DNASE1: variants seen among roughly 807,000 people sequenced by gnomAD.
DNASE1 encodes the protein deoxyribonuclease-1.
DNASE1 carries 40 observed loss-of-function variants against 33.9 expected under a neutral mutation model. The ratio of observed to expected loss-of-function variants is 1.18; its 90% CI spans 0.92 to 1.54. DNASE1 has a LOEUF of 1.54. Among genes scored for constraint, DNASE1 ranks in the 40% most tolerant of loss-of-function variants. The probability of loss-of-function intolerance (pLI) is 0.00; values close to 1 mark genes in which losing one functional copy is unlikely to be tolerated. For missense variants in DNASE1, 518 were observed against 372.6 expected (o/e 1.39, Z -3.21); for synonymous variants, 216 against 160.0 (o/e 1.35, Z -2.64).
downstream of DNASE1, chr16:3,662,046 C>T: frequency 6.2e-7 from 1 of 1,613,402 alleles, no homozygotes; most frequent in Non-Finnish European, 8.5e-7. Flanking sequence ...GGGTCTTGGC[C>T]AGCTGCTGCA....
In DNASE1 at chr16:3,657,741, G is replaced by A. The variant is rs779566278; in HGVS notation, c.726G>A (p.Leu242=). The change falls in exon 8 of 9, where the codon CTG becomes CTA. Residue 242 remains leucine (L), a synonymous_variant. Transcript: ENST00000246949. ...TCAGGATCGTGGTTGCAGGGATGCT[G>A]CTCCGAGGCGCCGTTGTTCCCGACT... ...AYDRIVVAGM[L]LRGAVVPDSA... 2 of 1,614,018 alleles carry A rather than the reference G, an allele frequency of 1.2e-6. No homozygotes were observed. The highest frequency in any genetic ancestry group is 4.5e-5 in the East Asian group (2 of 44,854).
chr16:3,629,883 G>T lies in DNASE1; in HGVS notation c.-1358-10832G>T, dbSNP rs543035635. Among the ~76,000 whole-genome samples the T allele has an allele frequency of 1.4e-3, 219 of 152,208 alleles. 1 individual carries two copies. The highest frequency in any genetic ancestry group is 5.0e-3 in the African/African-American group (207 of 41,518). Reference sequence around the variant, plus strand: ...GGCTGGAGTGTAGTGGCACAATCTTGGCTCACTGCAACCTCTGCTTCCTGG... The same window carrying T: ...GGCTGGAGTGTAGTGGCACAATCTTTGCTCACTGCAACCTCTGCTTCCTGG... On this transcript the variant is annotated intron_variant and NMD_transcript_variant, in intron 1 of 11. Coordinates refer to the DNASE1 transcript ENST00000570769.
chr16:3,641,607 G>A (rs2042024610), upstream of DNASE1, among the ~76,000 whole-genome samples: 1 of 152,234 alleles, frequency 6.6e-6, no homozygotes, highest in Non-Finnish European at 1.5e-5. Flanking sequence ...ATGTAGTTCA[G>A]CCCCACAGGT....
chr16:3,639,315 T>C (rs142148445), upstream of DNASE1, among the ~76,000 whole-genome samples: 1 of 152,306 alleles, frequency 6.6e-6, no homozygotes, highest in African/African-American at 2.4e-5. Flanking sequence ...GTGGGACATA[T>C]AGGGTGCTCA....
chr16:3,613,908 A>ATTT (rs200976238), intron 1 of DNASE1, among the ~76,000 whole-genome samples: 22 of 113,138 alleles, frequency 1.9e-4, no homozygotes, highest in South Asian at 8.3e-4. Context: ...CGCCTGGCTA[A>ATTT]TTTTTTTTTT....
downstream of DNASE1, chr16:3,658,301 G>C (rs2042842200): frequency 4.0e-6 from 5 of 1,237,738 alleles, no homozygotes; most frequent in South Asian, 2.6e-5. Context: ...TTTTGAGACA[G>C]AGTCTCACTG....
downstream of DNASE1, chr16:3,658,963 T>TAAGA (rs1204352921): frequency 1.7e-6 from 2 of 1,211,784 alleles, no homozygotes; most frequent in Non-Finnish European, 2.4e-6. Flanking sequence ...AGAAGCACAG[T>TAAGA]AAGACTGTCT....
Position 3,657,234 on chromosome 16 carries a change from A to G in DNASE1, c.597A>G (p.Arg199=). ...TCAATGCGGGCTGCAGCTATGTGAG[A>G]CCCTCCCAGTGGTCATCCATCCGCC... ...GDFNAGCSYV[R]PSQWSSIRLW... The change falls in exon 7 of 9, where the codon AGA becomes AGG. Residue 199 remains arginine, a synonymous_variant. Coordinates refer to ENST00000246949, the MANE Select transcript of DNASE1 (RefSeq NM_005223.4). 6.2e-7 allele frequency: 1 copy of G among 1,613,268 alleles called. No homozygotes were observed. The highest frequency in any genetic ancestry group is 8.5e-7 in the Non-Finnish European group (1 of 1,179,886).
chr16:3,664,070 CAAAA>C (rs1014930956), exon 10 of DNASE1: 1 of 570,286 alleles, frequency 1.8e-6, no homozygotes, highest in Non-Finnish European at 2.9e-6. Flanking sequence ...CTCAAAAAAA[CAAAA>C]AACAAACAAA....
At chr16:3,628,190 T>C (rs2041581757) in intron 1 of DNASE1, among the ~76,000 whole-genome samples, 1 of 152,312 alleles carries the variant, frequency 6.6e-6, no homozygotes, top group Admixed American at 6.5e-5. Context: ...TTTTATTCTT[T>C]TTAATGCTAT....
chr16:3,612,739 G>T, intron 1 of DNASE1, among the ~76,000 whole-genome samples: 1 of 152,062 alleles, frequency 6.6e-6, no homozygotes. Context: ...CCTAATTACA[G>T]TGAGAACAGA....
chr16:3,639,715 G>A (rs1358234088), upstream of DNASE1, among the ~76,000 whole-genome samples: 1 of 152,198 alleles, frequency 6.6e-6, no homozygotes, highest in Non-Finnish European at 1.5e-5. Flanking sequence ...GTGGGACCCT[G>A]ACTGATAGGC....
At chr16:3,618,098 A>T (rs560731267) in intron 1 of DNASE1, among the ~76,000 whole-genome samples, 1 of 152,012 alleles carries the variant, frequency 6.6e-6, no homozygotes, top group East Asian at 1.9e-4. Context: ...AAAAAAAAAA[A>T]AAAAATGGAC....
upstream of DNASE1, among the ~76,000 whole-genome samples, chr16:3,639,346 C>G (rs2041966124): frequency 6.6e-6 from 1 of 152,204 alleles, no homozygotes; most frequent in African/African-American, 2.4e-5. Flanking sequence ...AGGCAGGTCC[C>G]ATAGCACCCC....
chr16:3,612,805 C>A (rs186559801), intron 1 of DNASE1, among the ~76,000 whole-genome samples: 1 of 152,102 alleles, frequency 6.6e-6, no homozygotes, highest in Admixed American at 6.6e-5. Flanking sequence ...AAAGTGAGAG[C>A]GGCCCGAATT....
upstream of DNASE1, among the ~76,000 whole-genome samples, chr16:3,638,225 T>TAC (rs753353740): frequency 6.6e-6 from 1 of 152,156 alleles, no homozygotes; most frequent in Non-Finnish European, 1.5e-5. Context: ...TATTTATCAG[T>TAC]ACATAATATG....
At chr16:3,620,181 G>A (rs758217557) in intron 1 of DNASE1, among the ~76,000 whole-genome samples, 1 of 152,088 alleles carries the variant, frequency 6.6e-6, no homozygotes, top group Non-Finnish European at 1.5e-5. Context: ...TTCCCAAAGC[G>A]CTGGGATTAC....
chr16:3,663,534 T>C, exon 10 of DNASE1: 1 of 1,613,738 alleles, frequency 6.2e-7, no homozygotes, highest in Non-Finnish European at 8.5e-7. Context: ...CAGGGTGAGC[T>C]CATCAAACTG....
chr16:3,656,315 A>T, intron 4 of DNASE1, 130 bp downstream of exon 4: 1 of 1,009,840 alleles, frequency 9.9e-7, no homozygotes, highest in Non-Finnish European at 1.5e-6. Context: ...TCCAGGGTGG[A>T]GTGAAAACAC....
Sources: allele counts gnomAD v4.1 joint callset (sites outside exome capture counted in the v4.1 genomes callset), GRCh38; gene constraint gnomAD v4.1.1; transcripts MANE v1.5; gene names NCBI Gene and HGNC (gene_info 2026-07-23, HGNC 2026-07-21).